The following CTNND2 variants were observed in gnomAD, a reference collection of about 807,000 sequenced individuals.
CTNND2 encodes catenin delta 2.
A neutral mutation model predicts 144.4 loss-of-function variants in CTNND2; 22 were observed. The observed-to-expected ratio is 0.15, with a 90% CI of 0.11 to 0.22. The LOEUF (loss-of-function observed/expected upper bound fraction) is 0.22, where lower values mean the gene tolerates loss of function less well. CTNND2 is among the 10% of genes least tolerant of loss of function. The probability of loss-of-function intolerance (pLI) is 1.00; values close to 1 mark genes in which losing one functional copy is unlikely to be tolerated. For synonymous variants in CTNND2, 751 were observed against 695.6 expected (o/e 1.08, Z -1.25); for missense variants, 1,353 against 1,618.8 (o/e 0.84, Z 2.82).
chr5:11,149,606 G>A (rs1197753410), intron 12 of CTNND2, among the ~76,000 whole-genome samples: 1 of 152,102 alleles, frequency 6.6e-6, no homozygotes, highest in Non-Finnish European at 1.5e-5. Context: ...GCTTGTTAAT[G>A]GGGAGCGATG....
At position 11,578,616 on chromosome 5, in the gene CTNND2, G is replaced by A. The variant is rs915415675; in HGVS notation, c.175-13560C>T. On this transcript the variant is annotated intron_variant, in intron 2 of 21. Transcript: ENST00000304623. Reference sequence around the variant, plus strand: ...GCAGAGGTTGCAGTGAGCTGAGATCGTGCCACTGCACTCCAGCCTGGGCGA... The same window carrying A: ...GCAGAGGTTGCAGTGAGCTGAGATCATGCCACTGCACTCCAGCCTGGGCGA... Among the ~76,000 whole-genome samples the A allele has an allele frequency of 6.6e-5, 10 of 152,052 alleles. No individual in the cohort carries two copies. In the South Asian group the frequency reaches 1.5e-3, roughly 22 times the overall value.
At chr5:11,394,542 G>T (rs1475944202) in intron 6 of CTNND2, among the ~76,000 whole-genome samples, 1 of 152,150 alleles carries the variant, frequency 6.6e-6, no homozygotes, top group Non-Finnish European at 1.5e-5. Flanking sequence ...ATGGCCTTGG[G>T]GTCTGATGGG....
chr5:11,881,590 C>T (rs7379231), intron 1 of CTNND2, among the ~76,000 whole-genome samples: 150,106 of 151,994 alleles, frequency 0.99, 74,151 homozygotes, highest in Middle Eastern at 1. Flanking sequence ...GGCTTTTCCA[C>T]CTTGCTGCAA....
intron 3 of CTNND2, among the ~76,000 whole-genome samples, chr5:11,537,798 T>C (rs1774359475): frequency 6.6e-6 from 1 of 152,142 alleles, no homozygotes; most frequent in African/African-American, 2.4e-5. Context: ...GCATCACATA[T>C]AAAAATACAA....
At chr5:11,295,396 G>A (rs1429384159) in intron 9 of CTNND2, among the ~76,000 whole-genome samples, 1 of 152,100 alleles carries the variant, frequency 6.6e-6, no homozygotes, top group African/African-American at 2.4e-5. Context: ...TCGTGAAAAT[G>A]GCCATACTGC....
In CTNND2 at chr5:11,384,043, T is replaced by C. The variant is rs575275038; in HGVS notation, c.1177+622A>G. ...TAAGGGACTTCATCATTGCTAACTTTGTCGCAAATGTTAGGACCCAAGTAC... is the reference window on the plus strand; with the variant it reads ...TAAGGGACTTCATCATTGCTAACTTCGTCGCAAATGTTAGGACCCAAGTAC... On this transcript the variant is annotated intron_variant, in intron 7 of 21. Transcript: ENST00000304623. This position sits in a 1 kb window ranked among gnomAD's most constrained non-coding sequence, Gnocchi z 5.2. 9.7e-4 allele frequency among the ~76,000 whole-genome samples: 148 copies of C among 152,338 alleles called. No homozygotes were observed. The highest frequency in any genetic ancestry group is 3.5e-3 in the African/African-American group (145 of 41,564).
Position 11,186,731 on chromosome 5 carries a change from C to T in CTNND2, c.1975+12717G>A, listed in dbSNP as rs145396730. On this transcript the variant is annotated intron_variant, in intron 11 of 21. Coordinates refer to ENST00000304623, the MANE Select transcript of CTNND2 (RefSeq NM_001332.4). ...AATGTGTGGATTCCCAAGCTATTAT[C>T]GTGAAAATCTAGGGTCCAGAAATAT... Among the ~76,000 whole-genome samples the T allele has an allele frequency of 2.4e-4, 37 of 152,242 alleles. No individual in the cohort carries two copies. The East Asian group carries it at 5.4e-3, about 22-fold the overall frequency.
chr5:11,672,787 G>A (rs970269149), intron 2 of CTNND2, among the ~76,000 whole-genome samples: 1 of 152,090 alleles, frequency 6.6e-6, no homozygotes, highest in Non-Finnish European at 1.5e-5. Context: ...CTTGGGAAAA[G>A]GGCAGTATCT....
At chr5:11,228,007 C>T (rs1740546278) in intron 10 of CTNND2, among the ~76,000 whole-genome samples, 1 of 152,154 alleles carries the variant, frequency 6.6e-6, no homozygotes, top group Non-Finnish European at 1.5e-5. Flanking sequence ...CTCTCGCCAG[C>T]TGTGGCTTCA....
intron 3 of CTNND2, among the ~76,000 whole-genome samples, chr5:11,522,141 T>C (rs1025743224): frequency 4.6e-5 from 7 of 152,242 alleles, no homozygotes; most frequent in Admixed American, 2.6e-4. Context: ...AACTGTTAAA[T>C]AGAGAGCACT....
intron 1 of CTNND2, among the ~76,000 whole-genome samples, chr5:11,852,039 A>ACGTCT (rs1346540454): frequency 2.6e-5 from 4 of 152,102 alleles, no homozygotes; most frequent in African/African-American, 9.7e-5. Context: ...CAATTAACTT[A>ACGTCT]CGTCTCTTAA....
In CTNND2 at chr5:11,805,648, CA is replaced by C. The variant is rs140263972; in HGVS notation, c.38-73377del. Among the ~76,000 whole-genome samples, 596 of 152,132 alleles carry C rather than the reference CA, an allele frequency of 3.9e-3. 5 individuals are homozygous for C. The highest frequency in any genetic ancestry group is 0.013 in the African/African-American group (560 of 41,518). On this transcript the variant is annotated intron_variant, in intron 1 of 21. Transcript: ENST00000304623. ...TAAATATGCTAGCATTGGATCATAA[CA>C]TAAAGTATAAAATAAATATCCATGT...
At chr5:11,225,850 T>A (rs139359419) in intron 10 of CTNND2, among the ~76,000 whole-genome samples, 2 of 152,332 alleles carry the variant, frequency 1.3e-5, no homozygotes, top group African/African-American at 4.8e-5. Context: ...AAATAGGGTC[T>A]ACATAGATGT....
intron 3 of CTNND2, among the ~76,000 whole-genome samples, chr5:11,499,597 A>C (rs374214877): frequency 2.6e-5 from 4 of 152,174 alleles, no homozygotes; most frequent in Non-Finnish European, 5.9e-5. Flanking sequence ...TCATTCATGA[A>C]CCCTGCAGTG....
At position 11,337,163 on chromosome 5, in the gene CTNND2, G is replaced by A. The variant is rs371468913; in HGVS notation, c.1628+9209C>T. On this transcript the variant is annotated intron_variant, in intron 9 of 21. Transcript: ENST00000304623. Reference sequence around the variant, plus strand: ...TTCCCAGAACTCTAAAAGATATCAAGCAGGAAATAAATGGGAAGCACACGG... The same window carrying A: ...TTCCCAGAACTCTAAAAGATATCAAACAGGAAATAAATGGGAAGCACACGG... Among the ~76,000 whole-genome samples the A allele has an allele frequency of 7.2e-5, 11 of 152,134 alleles. No homozygotes were observed. The East Asian group carries it at 1.5e-3, about 21-fold the overall frequency.
chr5:11,574,227 A>C (rs1349240189), intron 2 of CTNND2, among the ~76,000 whole-genome samples: 1 of 152,146 alleles, frequency 6.6e-6, no homozygotes, highest in African/African-American at 2.4e-5. Flanking sequence ...AATGGCAGTT[A>C]ATATGTTAAG....
chr5:11,786,106 C>G (rs898382353), intron 1 of CTNND2, among the ~76,000 whole-genome samples: 1 of 152,206 alleles, frequency 6.6e-6, no homozygotes, highest in Non-Finnish European at 1.5e-5. Flanking sequence ...CATGTAACAG[C>G]GCGGCAGCAG....
chr5:11,008,845 A>C (rs1220148449), intron 18 of CTNND2, among the ~76,000 whole-genome samples: 1 of 152,126 alleles, frequency 6.6e-6, no homozygotes, highest in Non-Finnish European at 1.5e-5. Flanking sequence ...CAGGGAGTGG[A>C]CTATGTAAAG....
chr5:11,817,570 G>A (rs1468093568), intron 1 of CTNND2, among the ~76,000 whole-genome samples: 1 of 151,980 alleles, frequency 6.6e-6, no homozygotes, highest in Non-Finnish European at 1.5e-5. Context: ...GTAGTGAAGG[G>A]GGGAAGCGGA....
Sources: gnomAD v4.1 joint callset for allele counts (sites outside exome capture counted in the v4.1 genomes callset) on GRCh38, gnomAD v4.1.1 for gene constraint, Gnocchi (gnomAD v3.1) non-coding constraint, MANE v1.5 for transcripts, NCBI Gene and HGNC (gene_info 2026-07-23, HGNC 2026-07-21) for gene names.